CTNND2: variants seen among roughly 807,000 people sequenced by gnomAD.
The protein encoded by CTNND2 is catenin delta-2.
Under a neutral mutation model 144.4 loss-of-function variants are expected in CTNND2, and 22 were observed. That is an observed-to-expected ratio of 0.15 (90% CI 0.11 to 0.22). The LOEUF (loss-of-function observed/expected upper bound fraction) is 0.22. CTNND2 is among the 10% of genes least tolerant of loss of function. CTNND2 has a pLI of 1.00. For missense variants in CTNND2, 1,353 were observed against 1,618.8 expected, an observed-to-expected ratio of 0.84 and a Z score of 2.82; for synonymous variants, 751 against 695.6, an observed-to-expected ratio of 1.08 and a Z score of -1.25.
In CTNND2 at chr5:11,455,425, G is replaced by A. The variant is rs543221462; in HGVS notation, c.288-43356C>T. On this transcript the variant is annotated intron_variant, in intron 3 of 21. Transcript: ENST00000304623. ...CTATGATCATGATCTTTCCATTGTG[G>A]GTGGAAATAATTTGTTCAAACCATG... is the stretch of plus-strand genomic sequence containing the variant. 5.2e-4 allele frequency among the ~76,000 whole-genome samples: 79 copies of A among 152,224 alleles called. 1 individual carries two copies. The South Asian group carries it at 0.016, about 31-fold the overall frequency.
At chr5:11,306,082 AG>A (rs990587536) in intron 9 of CTNND2, among the ~76,000 whole-genome samples, 80 of 152,206 alleles carry the variant, frequency 5.3e-4, no homozygotes, top group African/African-American at 1.8e-3. Context: ...GAATGTGAGC[AG>A]GGGAGTAGCA....
At chr5:11,861,227 A>C (rs1795490311) in intron 1 of CTNND2, among the ~76,000 whole-genome samples, 1 of 152,152 alleles carries the variant, frequency 6.6e-6, no homozygotes, top group Admixed American at 6.5e-5. Flanking sequence ...TCAACTCTAG[A>C]CTCGTATCAT....
At chr5:11,162,285 G>T (rs1758850023) in intron 11 of CTNND2, among the ~76,000 whole-genome samples, 1 of 152,042 alleles carries the variant, frequency 6.6e-6, no homozygotes, top group Non-Finnish European at 1.5e-5. Context: ...CTTACAAACA[G>T]AAAAGAAATA....
chr5:11,754,360 T>C (rs1788791225), intron 1 of CTNND2, among the ~76,000 whole-genome samples: 1 of 151,546 alleles, frequency 6.6e-6, no homozygotes, highest in African/African-American at 2.4e-5. Context: ...TCCCAGAAAT[T>C]CTGATATGTT....
chr5:11,288,987 C>T (rs1358649493), intron 9 of CTNND2, among the ~76,000 whole-genome samples: 2 of 152,048 alleles, frequency 1.3e-5, no homozygotes, highest in African/African-American at 4.8e-5. Context: ...ACATTTCAGC[C>T]CCTCAGCATA....
chr5:11,380,095 C>T (rs1052833120), intron 7 of CTNND2, among the ~76,000 whole-genome samples: 3 of 152,170 alleles, frequency 2.0e-5, no homozygotes, highest in Non-Finnish European at 4.4e-5. Flanking sequence ...CACACTGAAC[C>T]CCACTGTAAG....
chr5:11,136,945 A>G (rs1756214058), intron 12 of CTNND2, among the ~76,000 whole-genome samples: 1 of 152,176 alleles, frequency 6.6e-6, no homozygotes, highest in South Asian at 2.1e-4. Flanking sequence ...TTCTATGTTC[A>G]TTCAAGGCTC....
At chr5:10,990,216 T>G (rs914916118) in intron 19 of CTNND2, among the ~76,000 whole-genome samples, 1 of 152,128 alleles carries the variant, frequency 6.6e-6, no homozygotes, top group Non-Finnish European at 1.5e-5. Context: ...GGAAGAGAGG[T>G]TCCAGGGGAG....
At position 10,973,640 on chromosome 5, in the gene CTNND2, G is replaced by A. The variant is rs370549110; in HGVS notation, c.3491C>T (p.Thr1164Ile). The A allele has an allele frequency of 1.2e-6, 2 of 1,614,026 alleles. No homozygotes were observed. The highest frequency in any genetic ancestry group is 2.7e-5 in the African/African-American group (2 of 74,936). ...YETYQPFQNS[T>I]RNYDESFFED... is the part of the protein sequence containing the mutation. Reference sequence around the variant, plus strand: ...GAAGAAGGACTCATCGTAATTTCTTGTGGAATTCTGAAATGGCTGGTAGGT... The same window carrying A: ...GAAGAAGGACTCATCGTAATTTCTTATGGAATTCTGAAATGGCTGGTAGGT... Residue 1164 changes from threonine (T) to isoleucine (I), a missense_variant, in exon 22 of 22, where the codon ACA becomes ATA. Thr to Ile is a moderately conservative substitution (Grantham distance 89). Transcript: ENST00000304623. This position sits in a 1 kb window ranked among gnomAD's most constrained non-coding sequence, Gnocchi z 5.6.
rs142250085 is a variant in CTNND2, at chr5:11,432,745, T to C, written c.288-20676A>G. On this transcript the variant is annotated intron_variant, in intron 3 of 21. Coordinates refer to ENST00000304623, the MANE Select transcript of CTNND2 (RefSeq NM_001332.4). ...GAGGCACTGCTGGGGCACTTCGTTT[T>C]GGATTCATTACTATAACTGTGTGTA... 8.7e-3 allele frequency among the ~76,000 whole-genome samples: 1,324 copies of C among 152,316 alleles called. 10 individuals carry two copies. The highest frequency in any genetic ancestry group is 0.014 in the Admixed American group (217 of 15,302).
At chr5:11,627,718 G>A (rs775526764) in intron 2 of CTNND2, among the ~76,000 whole-genome samples, 29 of 151,332 alleles carry the variant, frequency 1.9e-4, no homozygotes, top group Admixed American at 2.6e-4. Flanking sequence ...CAATGGTTTC[G>A]GGATGATTCA....
chr5:11,117,664 T>C, intron 12 of CTNND2, 97 bp from the exon 13 acceptor site: 1 of 924,208 alleles, frequency 1.1e-6, no homozygotes, highest in Non-Finnish European at 1.7e-6. Flanking sequence ...AGTAAATGCA[T>C]TTTTCCCCAC....
At chr5:11,806,861 C>A (rs1433827962) in intron 1 of CTNND2, among the ~76,000 whole-genome samples, 1 of 151,928 alleles carries the variant, frequency 6.6e-6, no homozygotes, top group Non-Finnish European at 1.5e-5. Context: ...TCCCATAATT[C>A]CACTTTTATT....
intron 3 of CTNND2, among the ~76,000 whole-genome samples, chr5:11,540,230 G>A (rs111284359): frequency 2.6e-5 from 4 of 152,120 alleles, no homozygotes; most frequent in African/African-American, 9.6e-5. Flanking sequence ...GCTCACTTCA[G>A]TTAACAGGAA....
At chr5:11,290,935 AT>A (rs1176811857) in intron 9 of CTNND2, among the ~76,000 whole-genome samples, 1 of 152,196 alleles carries the variant, frequency 6.6e-6, no homozygotes, top group Non-Finnish European at 1.5e-5. Context: ...TAAACCGTTG[AT>A]TTTAGCAGAG....
At chr5:11,436,077 C>T (rs925732225) in intron 3 of CTNND2, among the ~76,000 whole-genome samples, 13 of 152,052 alleles carry the variant, frequency 8.5e-5, no homozygotes, top group South Asian at 6.3e-4. Context: ...AGTGGACTCC[C>T]TTTGCTTCCT....
chr5:11,257,703 G>A (rs1744414860), intron 9 of CTNND2, among the ~76,000 whole-genome samples: 1 of 152,144 alleles, frequency 6.6e-6, no homozygotes, highest in Non-Finnish European at 1.5e-5. Context: ...ATTCAGGTGG[G>A]AACACAAAGC....
intron 11 of CTNND2, among the ~76,000 whole-genome samples, chr5:11,170,037 A>G (rs1278257533): frequency 1.3e-5 from 2 of 152,230 alleles, no homozygotes; most frequent in African/African-American, 4.8e-5. Context: ...ACCTGCATGT[A>G]TTAACTTGTG....
chr5:11,596,250 C>T (rs1188638922), intron 2 of CTNND2, among the ~76,000 whole-genome samples: 1 of 152,196 alleles, frequency 6.6e-6, no homozygotes, highest in East Asian at 1.9e-4. Context: ...AATCACCCAG[C>T]ATTAAGAGTG....
Sources: gnomAD v4.1 joint callset for allele counts (sites outside exome capture counted in the v4.1 genomes callset) on GRCh38, gnomAD v4.1.1 for gene constraint, Gnocchi (gnomAD v3.1) non-coding constraint, MANE v1.5 for transcripts, NCBI Gene and HGNC (gene_info 2026-07-23, HGNC 2026-07-21) for gene names.